Variants in DYNC1LI1 observed in about 807,000 individuals in gnomAD.
DYNC1LI1 encodes the protein cytoplasmic dynein 1 light intermediate chain 1.
In DYNC1LI1, 19 loss-of-function variants were observed where a neutral mutation model predicts 63.8. That is an observed-to-expected ratio of 0.30 (90% CI 0.21 to 0.44). The LOEUF (loss-of-function observed/expected upper bound fraction) is 0.44, where lower values mean the gene tolerates loss of function less well. DYNC1LI1 is among the 20% of genes least tolerant of loss of function. The pLI, the probability that DYNC1LI1 is intolerant of heterozygous loss-of-function variation, is 1.00. For missense variants in DYNC1LI1, 565 were observed against 630.2 expected, an observed-to-expected ratio of 0.90 and a Z score of 1.11; for synonymous variants, 225 against 232.3, an observed-to-expected ratio of 0.97 and a Z score of 0.28.
chr3:32,541,626 C>G (rs1383654691), intron 4 of DYNC1LI1, among the ~76,000 whole-genome samples: 1 of 152,138 alleles, frequency 6.6e-6, no homozygotes. Context: ...TCACTAAACC[C>G]TTTACTCAGG....
At chr3:32,553,964 G>GA (rs1254706228) in intron 2 of DYNC1LI1, among the ~76,000 whole-genome samples, 1 of 152,170 alleles carries the variant, frequency 6.6e-6, no homozygotes, top group African/African-American at 2.4e-5. Flanking sequence ...GGTGCATAAG[G>GA]AGGCAAGGCT....
At chr3:32,545,565 A>G in intron 3 of DYNC1LI1, 1 of 394,038 alleles carries the variant, frequency 2.5e-6, no homozygotes, top group South Asian at 3.4e-5. Context: ...AGTCAACAAA[A>G]CAATCACTAT....
rs1652157416 is a variant in DYNC1LI1 at position 32,526,569 on chromosome 3, T to TATGCAAAATGGCA, written c.*217_*229dup. On this transcript the variant is annotated 3_prime_UTR_variant, in exon 13 of 13. Transcript: ENST00000273130. ...TTTTCAAAATCAAAAATTACTTTCTTATGCAAAATGGCAATGCAAACAGCA... is the reference window on the plus strand; with the variant it reads ...TTTTCAAAATCAAAAATTACTTTCTTATGCAAAATGGCAATGCAAAATGGCAATGCAAACAGCA... 1 of 331,274 alleles carries TATGCAAAATGGCA rather than the reference T, an allele frequency of 3.0e-6. No homozygotes were observed. The highest frequency in any genetic ancestry group is 5.5e-6 in the Non-Finnish European group (1 of 180,738). 20.5% of individuals were successfully genotyped at this position (331,274 alleles called of 1,614,324 possible).
At chr3:32,557,916 T>C (rs1452451168) in intron 2 of DYNC1LI1, among the ~76,000 whole-genome samples, 1 of 152,224 alleles carries the variant, frequency 6.6e-6, no homozygotes, top group South Asian at 2.1e-4. Flanking sequence ...AGCCCTTCCA[T>C]AAAGAACCCT....
At chr3:32,536,894 A>G in intron 6 of DYNC1LI1, 117 bp downstream of exon 6, 1 of 580,812 alleles carries the variant, frequency 1.7e-6, no homozygotes, top group Non-Finnish European at 3.0e-6. Context: ...CCAACCAGAG[A>G]CAGAAGGAGA....
intron 8 of DYNC1LI1, chr3:32,532,132 C>A (rs1472843262): frequency 1.3e-5 from 2 of 152,008 alleles, no homozygotes; most frequent in Non-Finnish European, 2.9e-5. Context: ...AGCAGTGTAT[C>A]TTCTGGGATC....
At chr3:32,554,415 CA>C (rs1473349855) in intron 2 of DYNC1LI1, among the ~76,000 whole-genome samples, 1 of 152,176 alleles carries the variant, frequency 6.6e-6, no homozygotes, top group Admixed American at 6.5e-5. Flanking sequence ...CCTGTGATTT[CA>C]AAATTTCTCA....
intron 2 of DYNC1LI1, among the ~76,000 whole-genome samples, chr3:32,558,417 A>AAG (rs1698145051): frequency 6.6e-6 from 1 of 150,948 alleles, no homozygotes; most frequent in Admixed American, 6.6e-5. Flanking sequence ...AAAAAAAAAA[A>AAG]AAAAAAAAGA....
chr3:32,529,532 A>G lies in DYNC1LI1; in HGVS notation c.1306+8T>C. The G allele has an allele frequency of 6.2e-7, 1 of 1,602,540 alleles. No homozygotes were observed. The highest frequency in any genetic ancestry group is 8.5e-7 in the Non-Finnish European group (1 of 1,173,992). ...TATTGTCTTGTTATCTCCTAGAAAG[A>G]GATGTACCTTTCATGTTTGGATCAA... On this transcript the variant is annotated splice_region_variant and intron_variant, in intron 11 of 12. Transcript: ENST00000273130.
chr3:32,537,974 T>TTATATATATAATTTATATATAATTTA (rs56907307), intron 5 of DYNC1LI1, among the ~76,000 whole-genome samples: 1 of 20,538 alleles, frequency 4.9e-5, no homozygotes, highest in African/African-American at 2.8e-4. Context: ...ATATATATAT[T>TTATATATATAATTTATATATAATTTA]TATATATAAT....
intron 6 of DYNC1LI1, among the ~76,000 whole-genome samples, chr3:32,535,416 G>A (rs748071519): frequency 2.6e-4 from 39 of 152,196 alleles, no homozygotes; most frequent in Non-Finnish European, 4.3e-4. Flanking sequence ...GTTTCTCCAA[G>A]GGAGATGGTG....
At chr3:32,532,785 A>T (rs565760228) in intron 8 of DYNC1LI1, 111 of 885,616 alleles carry the variant, frequency 1.3e-4, no homozygotes, top group Middle Eastern at 7.7e-4. Flanking sequence ...GCGAAGATTT[A>T]ATTAGCTGAA....
chr3:32,545,779 C>A, intron 3 of DYNC1LI1, 70 bp downstream of exon 3: 2 of 1,056,722 alleles, frequency 1.9e-6, no homozygotes, highest in South Asian at 1.3e-5. Flanking sequence ...TAAAAAAAAT[C>A]AAAGACTAAT....
intron 2 of DYNC1LI1, among the ~76,000 whole-genome samples, chr3:32,546,659 T>C (rs1488465449): frequency 2.0e-5 from 3 of 152,174 alleles, no homozygotes; most frequent in Admixed American, 2.0e-4. Flanking sequence ...AGACTCTTAA[T>C]TGGCCCAGTT....
chr3:32,570,373 G>T lies in DYNC1LI1; in HGVS notation c.193C>A (p.Pro65Thr). ...EVSTRSRSKL[P>T]AGKNVLLLGE... ...AGCAGTAGCACGTTCTTCCCCGCAG[G>T]GAGCTTGGAGCGCGAGCGGGTGGAG... is the stretch of plus-strand genomic sequence containing the variant. The change falls in exon 2 of 13, where the codon CCT becomes ACT. Residue 65 changes from proline to threonine, a missense_variant. By Grantham distance (38) the Pro-to-Thr change is conservative. Transcript: ENST00000273130. 1 of 1,605,728 alleles carries T rather than the reference G, an allele frequency of 6.2e-7. No individual in the cohort carries two copies. Among genetic ancestry groups the T allele is most frequent in the Non-Finnish European group, 8.5e-7 (1 of 1,176,996 alleles).
In DYNC1LI1 at chr3:32,532,967, T is replaced by C. The variant is rs1338359130; in HGVS notation, c.1080+19A>G. On this transcript the variant is annotated intron_variant, in intron 8 of 12. Transcript: ENST00000273130. ...TAGTCTAAAGTCTAAATATTGAGAT[T>C]ATTTACTAAAATGGTTACCTTTCGA... The C allele has an allele frequency of 6.4e-7, 1 of 1,559,708 alleles. No individual in the cohort carries two copies. Among genetic ancestry groups the C allele is most frequent in the Non-Finnish European group, 8.6e-7 (1 of 1,162,972 alleles).
chr3:32,570,168 C>T, intron 2 of DYNC1LI1, 178 bp downstream of exon 2: 2 of 710,610 alleles, frequency 2.8e-6, no homozygotes, highest in Non-Finnish European at 5.1e-6. Context: ...CCCGCAGGTC[C>T]TGGGTCAAGG....
chr3:32,537,090 A>G lies in DYNC1LI1; in HGVS notation c.753T>C (p.Ser251=), dbSNP rs1697784193. 1.9e-6 allele frequency: 3 copies of G among 1,565,294 alleles called. No individual in the cohort carries two copies. Among genetic ancestry groups the G allele is most frequent in the Non-Finnish European group, 2.6e-6 (3 of 1,152,434 alleles). ...LVVCTKCDAI[S]VLEKEHDYRD... ...TGTAGTCATGTTCTTTCTCCAATAC[A>G]CTAATGGCATCACACTGTTAAGTTA... The change falls in exon 6 of 13, where the codon AGT becomes AGC. Residue 251 remains serine (S), a synonymous_variant. Coordinates refer to ENST00000273130, the MANE Select transcript of DYNC1LI1 (RefSeq NM_016141.4).
At chr3:32,567,768 A>C (rs1698288591) in intron 2 of DYNC1LI1, among the ~76,000 whole-genome samples, 1 of 147,730 alleles carries the variant, frequency 6.8e-6, no homozygotes, top group African/African-American at 2.5e-5. Flanking sequence ...CAGTGGCACG[A>C]TCTTGGCTCA....
Sources: allele counts gnomAD v4.1 joint callset (sites outside exome capture counted in the v4.1 genomes callset), GRCh38; gene constraint gnomAD v4.1.1; transcripts MANE v1.5; gene names NCBI Gene and HGNC (gene_info 2026-07-23, HGNC 2026-07-21).